The following OSBPL8 variants were observed in gnomAD, a reference collection of about 807,000 sequenced individuals.
The protein encoded by OSBPL8 is oxysterol binding protein like 8.
In OSBPL8, 59 loss-of-function variants were observed where a neutral mutation model predicts 125.5. The observed-to-expected ratio is 0.47, with a 90% CI of 0.38 to 0.58. The LOEUF (loss-of-function observed/expected upper bound fraction) is 0.58, where lower values mean the gene tolerates loss of function less well. Ranked by LOEUF, OSBPL8 falls within the 20% of genes least tolerant of loss-of-function variation. OSBPL8 has a pLI of 0.00. For missense variants in OSBPL8, 758 were observed against 1,047.8 expected, an observed-to-expected ratio of 0.72 and a Z score of 3.82; for synonymous variants, 330 against 338.9, an observed-to-expected ratio of 0.97 and a Z score of 0.29.
At chr12:76,466,654 C>G (rs534965611) in intron 2 of OSBPL8, among the ~76,000 whole-genome samples, 5 of 152,068 alleles carry the variant, frequency 3.3e-5, no homozygotes, top group South Asian at 4.1e-4. Context: ...AAAATTGAAC[C>G]CTTTTTTAAA....
At chr12:76,384,631 G>A (rs1220104841) in intron 14 of OSBPL8, among the ~76,000 whole-genome samples, 1 of 152,054 alleles carries the variant, frequency 6.6e-6, no homozygotes, top group African/African-American at 2.4e-5. Context: ...CTGAGATTAG[G>A]TTACAAAGCA....
chr12:76,530,393 A>C (rs1389599250), intron 1 of OSBPL8, among the ~76,000 whole-genome samples: 2 of 151,840 alleles, frequency 1.3e-5, no homozygotes, highest in African/African-American at 4.8e-5. Flanking sequence ...TCTTTGCCTA[A>C]AACACTCTTC....
chr12:76,368,236 A>G (rs1334226078), intron 21 of OSBPL8, among the ~76,000 whole-genome samples: 1 of 152,122 alleles, frequency 6.6e-6, no homozygotes, highest in Non-Finnish European at 1.5e-5. Context: ...ATGTCATCTC[A>G]TTGCCTTCTG....
chr12:76,360,669 C>T (rs1188462603), intron 21 of OSBPL8, among the ~76,000 whole-genome samples: 1 of 152,222 alleles, frequency 6.6e-6, no homozygotes, highest in Non-Finnish European at 1.5e-5. Flanking sequence ...GGTATCCAGG[C>T]GTTTCCATAC....
chr12:76,527,831 A>G (rs1019788251), intron 1 of OSBPL8, among the ~76,000 whole-genome samples: 1 of 152,160 alleles, frequency 6.6e-6, no homozygotes, highest in Non-Finnish European at 1.5e-5. Context: ...AAATACTATC[A>G]TTATCTTCCA....
intron 4 of OSBPL8, among the ~76,000 whole-genome samples, chr12:76,450,638 T>G (rs373531279): frequency 6.6e-6 from 1 of 151,812 alleles, no homozygotes; most frequent in Admixed American, 6.6e-5. Context: ...ACGAAGTATG[T>G]TGGAGAATAT....
intron 4 of OSBPL8, among the ~76,000 whole-genome samples, chr12:76,425,651 T>C (rs1870060722): frequency 6.6e-6 from 1 of 152,196 alleles, no homozygotes; most frequent in South Asian, 2.1e-4. Flanking sequence ...CACTGGCTTG[T>C]CTGTCTGACT....
chr12:76,515,690 T>C (rs1881464895), intron 1 of OSBPL8, among the ~76,000 whole-genome samples: 1 of 152,018 alleles, frequency 6.6e-6, no homozygotes, highest in Admixed American at 6.5e-5. Flanking sequence ...ACAAATTCCC[T>C]GAGCAGGGGA....
intron 2 of OSBPL8, among the ~76,000 whole-genome samples, chr12:76,479,044 G>A (rs912190116): frequency 6.6e-6 from 1 of 152,226 alleles, no homozygotes; most frequent in Non-Finnish European, 1.5e-5. Context: ...CTGGGCGACA[G>A]AGCGAGACTC....
Position 76,356,168 on chromosome 12 carries a change from G to A in OSBPL8, c.2538-147C>T, listed in dbSNP as rs1951978938. 1.1e-5 allele frequency: 5 copies of A among 449,450 alleles called. No individual in the cohort carries two copies. In the South Asian group the frequency reaches 1.2e-4, roughly 11 times the overall value. The allele number at this position is 449,450 out of a possible 1,614,324, so 27.8% of individuals were successfully genotyped here. A position where few individuals can be genotyped will look rare whatever the true frequency, so the allele number is the denominator to read the frequency against. On this transcript the variant is annotated intron_variant, in intron 23 of 23. Transcript: ENST00000261183. ...ATGGGGTGGTATGTAGGGGTGGGGG[G>A]GGGCGGGGTCTGGGACTGCAAAGAG...
intron 2 of OSBPL8, among the ~76,000 whole-genome samples, chr12:76,468,308 A>G (rs1260456437): frequency 6.6e-6 from 1 of 152,214 alleles, no homozygotes; most frequent in Non-Finnish European, 1.5e-5. Flanking sequence ...CCAATTATCC[A>G]TCCCACAGAA....
intron 4 of OSBPL8, chr12:76,422,651 A>C: frequency 2.2e-6 from 1 of 456,466 alleles, no homozygotes; most frequent in South Asian, 1.5e-5. Context: ...CTCTTCTTTC[A>C]TAGCTCAGAA....
chr12:76,414,490 T>C (rs949206455), intron 4 of OSBPL8, among the ~76,000 whole-genome samples: 1 of 149,430 alleles, frequency 6.7e-6, no homozygotes, highest in Non-Finnish European at 1.5e-5. Context: ...TCTTGCTCTG[T>C]TGCCTAGGCT....
intron 1 of OSBPL8, among the ~76,000 whole-genome samples, chr12:76,508,170 C>CAA (rs893152469): frequency 7.9e-6 from 1 of 125,972 alleles, no homozygotes; most frequent in Non-Finnish European, 1.7e-5. Context: ...GACTCCATCT[C>CAA]AAAAAAAAAA....
intron 1 of OSBPL8, among the ~76,000 whole-genome samples, chr12:76,551,812 C>A (rs1950946620): frequency 6.6e-6 from 1 of 152,198 alleles, no homozygotes; most frequent in Non-Finnish European, 1.5e-5. Context: ...CTCGTCTATC[C>A]AGTCCCTGGC....
rs1951943241 is a variant in OSBPL8, at chr12:76,355,317, C to T, written c.*572G>A. 2 of 152,304 alleles carry T rather than the reference C, an allele frequency of 1.3e-5. No homozygotes were observed. The highest frequency in any genetic ancestry group is 4.8e-5 in the African/African-American group (2 of 41,432). 9.4% of individuals were successfully genotyped at this position (152,304 alleles called of 1,614,324 possible). A position where few individuals can be genotyped will look rare whatever the true frequency, so the allele number is the denominator to read the frequency against. On this transcript the variant is annotated 3_prime_UTR_variant, in exon 24 of 24. Transcript: ENST00000261183. ...TGCCATTTATCTCTCTCGATGTATT[C>T]ATTTTGACCATTCATACTTTTTCTT...
At chr12:76,486,898 T>A (rs2137025860) in intron 2 of OSBPL8, among the ~76,000 whole-genome samples, 1 of 152,264 alleles carries the variant, frequency 6.6e-6, no homozygotes, top group South Asian at 2.1e-4. Context: ...GAAAACAAAT[T>A]ATTCTATCAG....
chr12:76,386,365 C>A, intron 13 of OSBPL8, 99 bp from the exon 14 acceptor site: 1 of 1,416,364 alleles, frequency 7.1e-7, no homozygotes, highest in Non-Finnish European at 9.3e-7. Flanking sequence ...ATCTGGGAAC[C>A]GTCCTTATAA....
At chr12:76,542,396 C>G (rs911457359) in intron 1 of OSBPL8, among the ~76,000 whole-genome samples, 1 of 152,142 alleles carries the variant, frequency 6.6e-6, no homozygotes, top group Non-Finnish European at 1.5e-5. Flanking sequence ...TATCACCAGT[C>G]TAGAACTTTC....
Sources: gnomAD v4.1 joint callset for allele counts (sites outside exome capture counted in the v4.1 genomes callset) on GRCh38, gnomAD v4.1.1 for gene constraint, MANE v1.5 for transcripts, NCBI Gene and HGNC (gene_info 2026-07-23, HGNC 2026-07-21) for gene names.